Variants in NRG3 observed in about 807,000 individuals in gnomAD.
The protein encoded by NRG3 is pro-neuregulin-3, membrane-bound isoform.
NRG3 carries 31 observed loss-of-function variants against 66.9 expected under a neutral mutation model. The observed-to-expected ratio is 0.46, with a 90% CI of 0.35 to 0.63. NRG3 has a LOEUF of 0.63. Among genes scored for constraint, NRG3 ranks in the 20% least tolerant of loss-of-function variants. The pLI is 0.00. For missense variants in NRG3, 910 were observed against 878.9 expected, an observed-to-expected ratio of 1.04 and a Z score of -0.45; for synonymous variants, 393 against 359.4, an observed-to-expected ratio of 1.09 and a Z score of -1.06.
chr10:82,277,716 C>T (rs1325980669), intron 1 of NRG3, among the ~76,000 whole-genome samples: 1 of 152,098 alleles, frequency 6.6e-6, no homozygotes, highest in East Asian at 1.9e-4. Flanking sequence ...TATGACCTTG[C>T]AGGAAGCTCT....
At chr10:82,155,887 A>C (rs1179844291) in intron 1 of NRG3, among the ~76,000 whole-genome samples, 2 of 151,778 alleles carry the variant, frequency 1.3e-5, no homozygotes, top group Admixed American at 1.3e-4. Context: ...AGGTAGCAGA[A>C]TCCTCTAAAC....
intron 3 of NRG3, among the ~76,000 whole-genome samples, chr10:82,786,044 A>T (rs2060347217): frequency 1.3e-5 from 2 of 152,176 alleles, no homozygotes; most frequent in South Asian, 4.1e-4. Context: ...TGTCACAGGG[A>T]TGGTGCCACC....
chr10:82,902,752 G>A (rs542187606), intron 4 of NRG3, among the ~76,000 whole-genome samples: 4 of 151,958 alleles, frequency 2.6e-5, no homozygotes, highest in South Asian at 2.1e-4. Context: ...GTTGACCCTT[G>A]AACAACATGG....
chr10:82,534,680 C>A (rs1376772694), intron 2 of NRG3, among the ~76,000 whole-genome samples: 1 of 152,034 alleles, frequency 6.6e-6, no homozygotes, highest in Non-Finnish European at 1.5e-5. Flanking sequence ...AAATATTTTA[C>A]AAAACTACAG....
intron 3 of NRG3, among the ~76,000 whole-genome samples, chr10:82,754,050 G>A (rs540243030): frequency 1.3e-5 from 2 of 150,864 alleles, no homozygotes; most frequent in East Asian, 3.9e-4. Context: ...CTTAAATCTT[G>A]AAATGAATCC....
intron 1 of NRG3, among the ~76,000 whole-genome samples, chr10:82,075,637 T>A (rs1333432312): frequency 1.3e-5 from 2 of 152,194 alleles, no homozygotes; most frequent in Non-Finnish European, 2.9e-5. Flanking sequence ...TATTAAAAAC[T>A]ACCTTATAGC....
intron 1 of NRG3, among the ~76,000 whole-genome samples, chr10:82,331,924 G>A (rs2135280568): frequency 6.6e-6 from 1 of 152,346 alleles, no homozygotes; most frequent in East Asian, 1.9e-4. Context: ...GCATGAGCGA[G>A]AGCAGAGGCC....
intron 2 of NRG3, among the ~76,000 whole-genome samples, chr10:82,676,504 G>C (rs2053694639): frequency 6.6e-6 from 1 of 152,162 alleles, no homozygotes; most frequent in South Asian, 2.1e-4. Context: ...TTTTTTTCAA[G>C]ATGGAGTCTC....
At chr10:82,033,595 A>G (rs1037874217) in intron 1 of NRG3, among the ~76,000 whole-genome samples, 1 of 152,138 alleles carries the variant, frequency 6.6e-6, no homozygotes, top group African/African-American at 2.4e-5. Flanking sequence ...AGTGTTAGAC[A>G]CCTAGACAAA....
chr10:82,813,270 G>T (rs1310497340), intron 3 of NRG3, among the ~76,000 whole-genome samples: 1 of 127,454 alleles, frequency 7.8e-6, no homozygotes, highest in African/African-American at 3.0e-5. Flanking sequence ...CTGGAGTATA[G>T]TGGCAAAATC....
At chr10:82,000,961 A>C (rs1017783019) in intron 1 of NRG3, among the ~76,000 whole-genome samples, 5 of 152,188 alleles carry the variant, frequency 3.3e-5, no homozygotes, top group African/African-American at 1.2e-4. Flanking sequence ...TTTTAATAGA[A>C]TACCCTGACA....
intron 2 of NRG3, among the ~76,000 whole-genome samples, chr10:82,578,944 C>T (rs1348783845): frequency 2.6e-5 from 4 of 151,824 alleles, no homozygotes; most frequent in Non-Finnish European, 5.9e-5. Flanking sequence ...AATGTGACCT[C>T]TATGATCTCA....
chr10:82,246,204 T>C (rs2077236403), intron 1 of NRG3, among the ~76,000 whole-genome samples: 1 of 152,164 alleles, frequency 6.6e-6, no homozygotes, highest in Non-Finnish European at 1.5e-5. Context: ...GCTGGTTTAT[T>C]TTAAAAAGAA....
intron 1 of NRG3, among the ~76,000 whole-genome samples, chr10:81,896,278 T>C (rs779622904): frequency 3.3e-5 from 5 of 152,118 alleles, no homozygotes; most frequent in Non-Finnish European, 7.3e-5. Context: ...CAATCTCTGA[T>C]ATCTCAATTT....
intron 2 of NRG3, among the ~76,000 whole-genome samples, chr10:82,583,276 T>C (rs1320211528): frequency 7.0e-6 from 1 of 142,998 alleles, no homozygotes; most frequent in Non-Finnish European, 1.6e-5. Flanking sequence ...CATTCTCCTT[T>C]AGCTCTTGCT....
chr10:82,251,673 C>T (rs1052826231), intron 1 of NRG3, among the ~76,000 whole-genome samples: 5 of 152,054 alleles, frequency 3.3e-5, no homozygotes, highest in African/African-American at 9.7e-5. Context: ...TGTGGGATTT[C>T]GAGATTTTCA....
At chr10:82,913,815 C>T (rs1845563818) in intron 4 of NRG3, among the ~76,000 whole-genome samples, 1 of 152,108 alleles carries the variant, frequency 6.6e-6, no homozygotes, top group African/African-American at 2.4e-5. Context: ...TCTCCAGCTT[C>T]CTGGATCTGT....
At chr10:82,342,174 T>C (rs2082720102) in intron 1 of NRG3, among the ~76,000 whole-genome samples, 1 of 151,924 alleles carries the variant, frequency 6.6e-6, no homozygotes, top group Non-Finnish European at 1.5e-5. Context: ...CATTAATGAA[T>C]ACTTAAGGTG....
intron 2 of NRG3, among the ~76,000 whole-genome samples, chr10:82,418,879 A>C (rs760839925): frequency 2.0e-5 from 3 of 152,162 alleles, no homozygotes; most frequent in African/African-American, 7.2e-5. Flanking sequence ...GGATTACAGA[A>C]TACTTAAAAA....
Sources: gnomAD v4.1 joint callset for allele counts (sites outside exome capture counted in the v4.1 genomes callset) on GRCh38, gnomAD v4.1.1 for gene constraint, MANE v1.5 for transcripts, NCBI Gene and HGNC (gene_info 2026-07-23, HGNC 2026-07-21) for gene names.